The following DNMT1 variants were observed in gnomAD, a reference collection of about 807,000 sequenced individuals.
DNMT1 encodes the protein DNA (cytosine-5)-methyltransferase 1.
In DNMT1, 24 loss-of-function variants were observed where a neutral mutation model predicts 205.3. The observed-to-expected ratio is 0.12, with a 90% confidence interval of 0.08 to 0.16. DNMT1 has a LOEUF of 0.16. Among genes scored for constraint, DNMT1 ranks in the 10% least tolerant of loss-of-function variants. The pLI, the probability that DNMT1 is intolerant of heterozygous loss-of-function variation, is 1.00. For synonymous variants in DNMT1, 817 were observed against 839.8 expected (o/e 0.97, Z 0.47); for missense variants, 1,293 against 2,177.7 (o/e 0.59, Z 8.09).
chr19:10,194,598 G>T (rs2039367736), intron 1 of DNMT1: 7 of 528,428 alleles, frequency 1.3e-5, no homozygotes, highest in Non-Finnish European at 2.3e-5. Flanking sequence ...AGCCACCAGG[G>T]AGCTACGGGG....
chr19:10,166,503 G>A, intron 11 of DNMT1, 95 bp downstream of exon 11: 2 of 1,472,634 alleles, frequency 1.4e-6, no homozygotes, highest in South Asian at 2.3e-5. Context: ...GATGGGGCTG[G>A]ACTTGAACCC....
At chr19:10,176,373 A>C (rs1482755623) in intron 6 of DNMT1, among the ~76,000 whole-genome samples, 1 of 152,176 alleles carries the variant, frequency 6.6e-6, no homozygotes, top group Non-Finnish European at 1.5e-5. Context: ...AAAATCTGTG[A>C]GGAATTTTAA....
In DNMT1 at chr19:10,140,470, A is replaced by C; in HGVS notation, c.3524-142T>G. The C allele has an allele frequency of 7.9e-7, 1 of 1,270,812 alleles. No individual in the cohort carries two copies. Among genetic ancestry groups the C allele is most frequent in the Admixed American group, 2.1e-5 (1 of 48,526 alleles). The allele number at this position is 1,270,812 out of a possible 1,614,324, so 78.7% of individuals were successfully genotyped here. The stretch of plus-strand genomic sequence containing the variant: ...CTGCAAGCTCTGCCTCCCAGGTTCA[A>C]GCGATTCTCCCACCTCAGCCTCCTG... On this transcript the variant is annotated intron_variant, in intron 32 of 40. Transcript: ENST00000359526. The surrounding 1 kb of genome is among the most constrained non-coding windows in gnomAD (Gnocchi z 8.4).
intron 13 of DNMT1, among the ~76,000 whole-genome samples, chr19:10,161,321 G>GTAAATAAATAAATAAA (rs112691763): frequency 2.0e-5 from 3 of 146,582 alleles, no homozygotes; most frequent in Non-Finnish European, 4.5e-5. Context: ...AAATACATAA[G>GTAAATAAATAAATAAA]TAAATAAATA....
intron 27 of DNMT1, among the ~76,000 whole-genome samples, chr19:10,148,495 CA>C (rs1222064600): frequency 9.6e-4 from 56 of 58,512 alleles, no homozygotes; most frequent in Admixed American, 2.0e-3. Flanking sequence ...GACTCCGTCT[CA>C]AAAAAAAAAA....
At position 10,146,338 on chromosome 19, in the gene DNMT1, A is replaced by C; in HGVS notation, c.2894+13T>G. On this transcript the variant is annotated intron_variant, in intron 28 of 40. Coordinates refer to ENST00000359526, the MANE Select transcript of DNMT1 (RefSeq NM_001130823.3). This position sits in a 1 kb window ranked among gnomAD's most constrained non-coding sequence, Gnocchi z 4.4. ...GAGCGCCCTGGCCCCGGCTGCTCCG[A>C]GGGGGCACTTACTTGAACGTGAAGG... 6.2e-7 allele frequency: 1 copy of C among 1,613,624 alleles called. No homozygotes were observed. Among genetic ancestry groups the C allele is most frequent in the Non-Finnish European group, 8.5e-7 (1 of 1,179,924 alleles).
chr19:10,156,656 C>A lies in DNMT1; in HGVS notation c.1281-147G>T. 1 of 670,458 alleles carries A rather than the reference C, an allele frequency of 1.5e-6. No individual in the cohort carries two copies. Among genetic ancestry groups the A allele is most frequent in the South Asian group, 1.5e-5 (1 of 66,142 alleles). 41.5% of individuals were successfully genotyped at this position (670,458 alleles called of 1,614,324 possible). Reference sequence around the variant, plus strand: ...TTTTTGAGACAGAGTCTTGCTCTATCCCTCAGGCTGGAGCGCGATGGCATA... The same window carrying A: ...TTTTTGAGACAGAGTCTTGCTCTATACCTCAGGCTGGAGCGCGATGGCATA... On this transcript the variant is annotated intron_variant, in intron 17 of 40. Transcript: ENST00000359526. This position sits in a 1 kb window ranked among gnomAD's most constrained non-coding sequence, Gnocchi z 4.2.
intron 30 of DNMT1, chr19:10,141,423 G>C: frequency 1.8e-6 from 1 of 541,846 alleles, no homozygotes; most frequent in Non-Finnish European, 3.3e-6. Flanking sequence ...ACAAGCACTT[G>C]AGAGTACCTT....
rs757300501 is a variant in DNMT1, at chr19:10,149,649, G to A, written c.2390C>T (p.Ala797Val). 5 of 1,613,558 alleles carry A rather than the reference G, an allele frequency of 3.1e-6. No individual in the cohort carries two copies. Among genetic ancestry groups the A allele is most frequent in the African/African-American group, 1.3e-5 (1 of 74,906 alleles). Residue 797 changes from alanine to valine, a missense_variant, in exon 26 of 41, where the codon GCG (alanine) becomes GTG (valine). Around this residue, in one of 13 missense-constraint regions of DNMT1, gnomAD observed 197 missense variants for 353.6 expected, o/e 0.56. Transcript: ENST00000359526. ...CCCGTTGCTGCTGTCCTCCCACAGC[G>A]CCGTGACCCTGGAATCAGAAGACGG... ...SKPLYLARVT[A>V]LWEDSSNGQM...
intron 1 of DNMT1, chr19:10,184,352 G>A (rs2039137529): frequency 6.6e-6 from 1 of 152,140 alleles, no homozygotes; most frequent in Non-Finnish European, 1.5e-5. Flanking sequence ...GAAGTTAGAG[G>A]AGGTGGCTGG....
At chr19:10,166,428 C>A (rs2038694136) in intron 11 of DNMT1, among the ~76,000 whole-genome samples, 170 bp downstream of exon 11, 1 of 152,078 alleles carries the variant, frequency 6.6e-6, no homozygotes, top group Admixed American at 6.6e-5. Context: ...GCCACAAATC[C>A]CGGCCCCCAA....
At chr19:10,134,414 C>T (rs2145247870) in intron 39 of DNMT1, 107 bp from the exon 40 acceptor site, 1 of 1,023,948 alleles carries the variant, frequency 9.8e-7, no homozygotes, top group Non-Finnish European at 1.5e-6. Context: ...CTGGGCATTG[C>T]ACCCCTTGGG....
rs760542365 is a variant in DNMT1, at chr19:10,155,006, A to C, written c.1543T>G (p.Phe515Val). 2 of 1,614,054 alleles carry C rather than the reference A, an allele frequency of 1.2e-6. No homozygotes were observed. Among genetic ancestry groups the C allele is most frequent in the Non-Finnish European group, 1.7e-6 (2 of 1,180,004 alleles). ...MDPSPEYAPIFGLMQEKIYIS... is the reference protein window; with the variant it reads ...MDPSPEYAPIVGLMQEKIYIS... ...TAGATCTTCTCCTGCATCAGCCCAA[A>C]TATGGGCGCATACTCGGGACTGGGA... is the stretch of plus-strand genomic sequence containing the variant. Residue 515 changes from phenylalanine (F) to valine (V), a missense_variant, in exon 20 of 41, where the codon TTT becomes GTT. Physicochemically the swap from Phe to Val is conservative, Grantham distance 50. This residue lies in a region of DNMT1 where 120 missense variants were observed against 315.9 expected (regional missense o/e 0.38). Transcript: ENST00000359526.
In DNMT1 at chr19:10,137,609, C is replaced by A; in HGVS notation, c.4293+223G>T. 1.5e-6 allele frequency: 1 copy of A among 687,058 alleles called. No homozygotes were observed. The highest frequency in any genetic ancestry group is 2.5e-5 in the Admixed American group (1 of 39,602). 42.6% of individuals were successfully genotyped at this position (687,058 alleles called of 1,614,324 possible). ...AAGGGGGAAGGCAGTGGTGGGTGGG[C>A]AGTGGCTTGACACCATTCCAGACCA... On this transcript the variant is annotated intron_variant, in intron 36 of 40. Coordinates refer to ENST00000359526, the MANE Select transcript of DNMT1 (RefSeq NM_001130823.3). The surrounding 1 kb of genome is among the most constrained non-coding windows in gnomAD (Gnocchi z 6.4).
At position 10,194,566 on chromosome 19, in the gene DNMT1, A is replaced by C. The variant is rs2039366855; in HGVS notation, c.80+254T>G. 6 of 456,558 alleles carry C rather than the reference A, an allele frequency of 1.3e-5. No individual in the cohort carries two copies. The South Asian group carries it at 2.0e-4, about 15-fold the overall frequency. 28.3% of individuals were successfully genotyped at this position (456,558 alleles called of 1,614,324 possible). On this transcript the variant is annotated intron_variant, in intron 1 of 40. Transcript: ENST00000359526. ...TGCTGTATTTGGGGATCAAAAGAGA[A>C]CCCCCACCCCGCCTAGTTTCTAGCC... is the stretch of plus-strand genomic sequence containing the variant.
intron 33 of DNMT1, 63 bp from the exon 34 acceptor site, chr19:10,139,880 T>C: frequency 1.3e-6 from 2 of 1,558,448 alleles, no homozygotes; most frequent in Non-Finnish European, 1.7e-6. Flanking sequence ...AACGACCCAC[T>C]GTGCCGGAAG....
intron 25 of DNMT1, 79 bp downstream of exon 25, chr19:10,149,774 G>C (rs1350544430): frequency 8.7e-6 from 14 of 1,602,770 alleles, no homozygotes; most frequent in Non-Finnish European, 1.2e-5. Context: ...AAAGCTGCTG[G>C]TGCTATTTTG....
In DNMT1 at chr19:10,142,132, A is replaced by T. The variant is rs2089612441; in HGVS notation, c.3205T>A (p.Phe1069Ile). The T allele has an allele frequency of 6.2e-7, 1 of 1,614,022 alleles. No homozygotes were observed. The highest frequency in any genetic ancestry group is 8.5e-7 in the Non-Finnish European group (1 of 1,180,026). The change falls in exon 30 of 41, where the codon TTC (phenylalanine) becomes ATC (isoleucine). Residue 1069 changes from phenylalanine to isoleucine, a missense_variant. Phe to Ile is a conservative substitution (Grantham distance 21, BLOSUM62 0). This residue lies in a region of DNMT1 where 167 missense variants were observed against 258.1 expected (regional missense o/e 0.65). Transcript: ENST00000359526. ...YWSDEEAVVD[F>I]KAVQGRCTVE... ...GTGCAGCGGCCCTGCACAGCCTTGA[A>T]GTCCACCACGGCCTCCTCGTCGCTC...
At chr19:10,139,891 C>A in intron 33 of DNMT1, 74 bp from the exon 34 acceptor site, 1 of 1,559,958 alleles carries the variant, frequency 6.4e-7, no homozygotes, top group Non-Finnish European at 8.7e-7. Flanking sequence ...GTGCCGGAAG[C>A]CCCTCACGAA....
Sources: gnomAD v4.1 joint callset for allele counts (sites outside exome capture counted in the v4.1 genomes callset) on GRCh38, gnomAD v4.1.1 for gene constraint, gnomAD v4.1.1 regional missense constraint, Gnocchi (gnomAD v3.1) non-coding constraint, MANE v1.5 for transcripts, NCBI Gene and HGNC (gene_info 2026-07-23, HGNC 2026-07-21) for gene names.